The following FABP3 variants were observed in gnomAD, a reference collection of about 807,000 sequenced individuals.
The protein encoded by FABP3 is fatty acid-binding protein, heart.
FABP3 carries 8 observed loss-of-function variants against 13.4 expected under a neutral mutation model. The observed-to-expected ratio is 0.60, with a 90% CI of 0.35 to 1.07. The LOEUF is 1.07. Among genes scored for constraint, FABP3 ranks in the 50% least tolerant of loss-of-function variants. The probability of loss-of-function intolerance (pLI) is 0.02; values close to 1 mark genes in which losing one functional copy is unlikely to be tolerated. For synonymous variants in FABP3, 64 were observed against 60.0 expected (o/e 1.07, Z -0.31); for missense variants, 135 against 164.7 (o/e 0.82, Z 0.99).
rs746276453 is a variant in FABP3, at chr1:31,369,525, TGCTG to T, written c.102_105del (p.Ser35Ter). ...TCGATGATTGTGGTAGGCTTGGTCA[TGCTG>T]GCCACCTGCCTGGTAGCAAAACCCA... On this transcript the variant is annotated frameshift_variant, in exon 2 of 4. Coordinates refer to ENST00000373713, the MANE Select transcript of FABP3 (RefSeq NM_004102.5). LOFTEE classifies it high-confidence loss of function. The T allele has an allele frequency of 1.2e-6, 2 of 1,614,174 alleles. No homozygotes were observed. Among genetic ancestry groups the T allele is most frequent in the Non-Finnish European group, 8.5e-7 (1 of 1,180,030 alleles).
At chr1:31,369,662 CTG>C in intron 1 of FABP3, 105 bp from the exon 2 acceptor site, 2 of 1,065,462 alleles carry the variant, frequency 1.9e-6, no homozygotes, top group Non-Finnish European at 2.7e-6. Context: ...AAGTGGAGGA[CTG>C]TATCTTTCAA....
chr1:31,372,012 ACT>A (rs1640217866), intron 1 of FABP3, among the ~76,000 whole-genome samples: 2 of 151,878 alleles, frequency 1.3e-5, no homozygotes, highest in Non-Finnish European at 2.9e-5. Flanking sequence ...ATACATTTCT[ACT>A]CTCCTGGTTT....
At chr1:31,367,116 CA>C in intron 3 of FABP3, among the ~76,000 whole-genome samples, 2 of 152,284 alleles carry the variant, frequency 1.3e-5, no homozygotes, top group South Asian at 4.1e-4. Context: ...AGCAGCCCTA[CA>C]AGGTTGGTAT....
intron 1 of FABP3, among the ~76,000 whole-genome samples, chr1:31,369,865 G>A (rs1050066601): frequency 2.6e-5 from 4 of 152,136 alleles, no homozygotes; most frequent in African/African-American, 9.7e-5. Context: ...CACACTTTGG[G>A]AGGCCAAGGC....
intron 2 of FABP3, 48 bp downstream of exon 2, chr1:31,369,337 T>TAA (rs1640163983): frequency 6.3e-7 from 1 of 1,591,246 alleles, no homozygotes; most frequent in East Asian, 2.2e-5. Context: ...CTATTCTCTT[T>TAA]TAGAGTCTCA....
At chr1:31,371,521 A>G (rs1640209397) in intron 1 of FABP3, among the ~76,000 whole-genome samples, 1 of 152,206 alleles carries the variant, frequency 6.6e-6, no homozygotes, top group Non-Finnish European at 1.5e-5. Context: ...CAGGCTTTCC[A>G]TTCCTACGAT....
chr1:31,364,766 A>C (rs957556685), downstream of FABP3: 2 of 153,212 alleles, frequency 1.3e-5, no homozygotes, highest in African/African-American at 4.8e-5. Context: ...GCTAGAAAAC[A>C]GTCTGCAGTG....
Position 31,369,514 on chromosome 1 carries a change from A to G in FABP3, c.117T>C (p.Pro39=), listed in dbSNP as rs1569977908. Residue 39 remains proline (P), a synonymous_variant, in exon 2 of 4, where the codon CCT becomes CCC. Transcript: ENST00000373713. ...CCCCATTCTTTTCGATGATTGTGGT[A>G]GGCTTGGTCATGCTGGCCACCTGCC... The part of the protein sequence containing the change: ...ATRQVASMTK[P]TTIIEKNGDI... 2.5e-6 allele frequency: 4 copies of G among 1,614,036 alleles called. No individual in the cohort carries two copies. The African/African-American group carries it at 5.3e-5, about 22-fold the overall frequency.
chr1:31,369,395 C>T lies in FABP3; in HGVS notation c.236G>A (p.Arg79Lys). The T allele has an allele frequency of 6.2e-7, 1 of 1,614,106 alleles. No individual in the cohort carries two copies. The highest frequency in any genetic ancestry group is 1.3e-5 in the African/African-American group (1 of 75,034). ...GTTTCCCTGACTTACCTTGACCTTC[C>T]TGTCATCTGCTGTTGTCTCATCGAA... ...VEFDETTADD[R>K]KVKSIVTLDG... Residue 79 changes from arginine to lysine, a missense_variant, in exon 2 of 4, where the codon AGG (arginine) becomes AAG (lysine). By Grantham distance (26) the Arg-to-Lys change is conservative (BLOSUM62 2). Transcript: ENST00000373713.
intron 2 of FABP3, 79 bp downstream of exon 2, chr1:31,369,306 C>T (rs11578034): frequency 0.034 from 50,518 of 1,478,564 alleles, 980 homozygotes; most frequent in Middle Eastern, 0.05. Flanking sequence ...GGTGCAATAC[C>T]AGGGAGCCAA....
downstream of FABP3, among the ~76,000 whole-genome samples, chr1:31,363,064 T>C (rs897467404): frequency 1.3e-5 from 2 of 152,324 alleles, no homozygotes; most frequent in East Asian, 3.9e-4. Flanking sequence ...CATGTATATG[T>C]TATACGCACT....
chr1:31,365,715 A>C lies in FABP3; in HGVS notation c.*171T>G. 1 of 608,924 alleles carries C rather than the reference A, an allele frequency of 1.6e-6. No individual in the cohort carries two copies. The highest frequency in any genetic ancestry group is 2.9e-5 in the Admixed American group (1 of 33,996). The allele number at this position is 608,924 out of a possible 1,614,324, so 37.7% of individuals were successfully genotyped here. A position where few individuals can be genotyped will look rare whatever the true frequency, so the allele number is the denominator to read the frequency against. On this transcript the variant is annotated 3_prime_UTR_variant, in exon 4 of 4. Coordinates refer to ENST00000373713, the MANE Select transcript of FABP3 (RefSeq NM_004102.5). ...CCTATGAGTGCAGTTAAAAAAAAAA[A>C]AAAAAAACCACATACACCATGGGAA... is the stretch of plus-strand genomic sequence containing the variant.
chr1:31,367,527 T>C (rs770582414), intron 2 of FABP3, 33 bp from the exon 3 acceptor site: 1 of 1,582,558 alleles, frequency 6.3e-7, no homozygotes, highest in Non-Finnish European at 8.7e-7. Context: ...TGAGCTGTGA[T>C]CTTAGTCAGG....
At chr1:31,367,156 G>T (rs75993048) in intron 3 of FABP3, among the ~76,000 whole-genome samples, 1,592 of 152,274 alleles carry the variant, frequency 0.01, 12 homozygotes, top group South Asian at 0.021. Context: ...AGTTGCACTT[G>T]GAAAAGGTGA....
chr1:31,365,971 G>A (rs770963031), intron 3 of FABP3, 32 bp from the exon 4 acceptor site: 1 of 1,606,730 alleles, frequency 6.2e-7, no homozygotes, highest in Non-Finnish European at 8.5e-7. Flanking sequence ...GATGGGGGGT[G>A]GAGCCAGGAA....
In FABP3 at chr1:31,365,534, A is replaced by G. The variant is rs1409287920; in HGVS notation, c.*352T>C. 2 of 265,558 alleles carry G rather than the reference A, an allele frequency of 7.5e-6. No homozygotes were observed. Among genetic ancestry groups the G allele is most frequent in the Non-Finnish European group, 1.5e-5 (2 of 135,640 alleles). 16.5% of individuals were successfully genotyped at this position (265,558 alleles called of 1,614,324 possible). The stretch of plus-strand genomic sequence containing the variant: ...AACAGGCTCCGAGACTGTCCATTTC[A>G]GTCTCCCATCCAGTGCTTCTTCCTC... On this transcript the variant is annotated 3_prime_UTR_variant, in exon 4 of 4. Transcript: ENST00000373713.
At position 31,366,058 on chromosome 1, in the gene FABP3, ATGTATGTG is replaced by A. The variant is rs1278954284; in HGVS notation, c.349-127_349-120del. The A allele has an allele frequency of 1.6e-4, 112 of 704,102 alleles. No individual in the cohort carries two copies. The African/African-American group carries it at 1.7e-3, about 10-fold the overall frequency. The allele number at this position is 704,102 out of a possible 1,614,324, so 43.6% of individuals were successfully genotyped here. A position where few individuals can be genotyped will look rare whatever the true frequency, so the allele number is the denominator to read the frequency against. On this transcript the variant is annotated intron_variant, in intron 3 of 3. Coordinates refer to ENST00000373713, the MANE Select transcript of FABP3 (RefSeq NM_004102.5). ...TACCTACTATGTGCCGGCTATATGTATGTATGTGTGTGTGTGTGTGTGTGTGTGTGTGT... is the reference window on the plus strand; with the variant it reads ...TACCTACTATGTGCCGGCTATATGTATGTGTGTGTGTGTGTGTGTGTGTGT...
downstream of FABP3, among the ~76,000 whole-genome samples, chr1:31,363,308 C>T (rs1639995390): frequency 2.6e-5 from 4 of 151,998 alleles, no homozygotes; most frequent in South Asian, 8.3e-4. Context: ...CTCAGCCTCC[C>T]GAGTAGCTGG....
In FABP3 at chr1:31,369,527, C is replaced by G. The variant is rs768005655; in HGVS notation, c.104G>C (p.Ser35Thr). Residue 35 changes from serine to threonine, a missense_variant, in exon 2 of 4, where the codon AGC becomes ACC. Ser to Thr is a moderately conservative substitution (Grantham distance 58). Coordinates refer to ENST00000373713, the MANE Select transcript of FABP3 (RefSeq NM_004102.5). Reference sequence around the variant, plus strand: ...GATGATTGTGGTAGGCTTGGTCATGCTGGCCACCTGCCTGGTAGCAAAACC... The same window carrying G: ...GATGATTGTGGTAGGCTTGGTCATGGTGGCCACCTGCCTGGTAGCAAAACC... ...GVGFATRQVA[S>T]MTKPTTIIEK... 1.9e-6 allele frequency: 3 copies of G among 1,614,010 alleles called. No individual in the cohort carries two copies. In the African/African-American group the frequency reaches 4.0e-5, roughly 22 times the overall value.
Sources: allele counts gnomAD v4.1 joint callset (sites outside exome capture counted in the v4.1 genomes callset), GRCh38; gene constraint gnomAD v4.1.1; transcripts MANE v1.5; gene names NCBI Gene and HGNC (gene_info 2026-07-23, HGNC 2026-07-21).